GPAT3: variants seen among roughly 807,000 people sequenced by gnomAD.
The protein encoded by GPAT3 is 1-AGP acyltransferase 9.
Under a neutral mutation model 58.8 loss-of-function variants are expected in GPAT3, and 53 were observed. The observed-to-expected ratio is 0.90, with a 90% confidence interval of 0.72 to 1.13. GPAT3 has a LOEUF of 1.13. Ranked by LOEUF, GPAT3 falls within the 50% of genes most tolerant of loss-of-function variation. The probability of loss-of-function intolerance (pLI) is 0.00; values close to 1 mark genes in which losing one functional copy is unlikely to be tolerated. For missense variants in GPAT3, 511 were observed against 527.6 expected (o/e 0.97, Z 0.31); for synonymous variants, 197 against 187.4 (o/e 1.05, Z -0.42).
At chr4:83,544,895 A>G (rs1261634315) in intron 2 of GPAT3, among the ~76,000 whole-genome samples, 3 of 145,902 alleles carry the variant, frequency 2.1e-5, no homozygotes, top group Non-Finnish European at 3.0e-5. Flanking sequence ...TGGCCAAAAG[A>G]AAAAAAAAAA....
intron 2 of GPAT3, among the ~76,000 whole-genome samples, chr4:83,562,709 A>C (rs1027317643): frequency 6.6e-6 from 1 of 152,144 alleles, no homozygotes; most frequent in Non-Finnish European, 1.5e-5. Context: ...GAAAAAGGGC[A>C]GGAAGAGATG....
chr4:83,603,661 A>G (rs961086697), intron 11 of GPAT3, among the ~76,000 whole-genome samples: 8 of 151,980 alleles, frequency 5.3e-5, no homozygotes, highest in Non-Finnish European at 1.2e-4. Context: ...CTGTTGGTGC[A>G]TGCCTGTAAT....
intron 3 of GPAT3, among the ~76,000 whole-genome samples, chr4:83,584,226 A>T (rs1726280932): frequency 6.6e-6 from 1 of 152,196 alleles, no homozygotes; most frequent in African/African-American, 2.4e-5. Flanking sequence ...TTGCAAAGAA[A>T]CTATGATTTA....
chr4:83,587,362 G>A (rs1726415628), intron 4 of GPAT3, 33 bp downstream of exon 4: 1 of 1,559,620 alleles, frequency 6.4e-7, no homozygotes, highest in African/African-American at 1.4e-5. Flanking sequence ...GCCATATATA[G>A]GACTGTCTTT....
upstream of GPAT3, chr4:83,535,957 G>T: frequency 2.0e-6 from 2 of 985,570 alleles, no homozygotes; most frequent in Non-Finnish European, 2.4e-6. Context: ...TGAGTGCTGG[G>T]GGAGGCGGGG....
At chr4:83,596,620 C>T (rs1408859146) in intron 7 of GPAT3, among the ~76,000 whole-genome samples, 2 of 151,694 alleles carry the variant, frequency 1.3e-5, no homozygotes, top group African/African-American at 2.4e-5. Flanking sequence ...AGACCCCATC[C>T]CCCACCCACC....
chr4:83,535,945 G>T, upstream of GPAT3: 1 of 985,584 alleles, frequency 1.0e-6, no homozygotes, highest in Non-Finnish European at 1.2e-6. Flanking sequence ...AAGGACCTTT[G>T]CTGAGTGCTG....
intron 8 of GPAT3, among the ~76,000 whole-genome samples, chr4:83,597,143 A>C (rs762432782): frequency 1.5e-4 from 23 of 152,160 alleles, no homozygotes; most frequent in Non-Finnish European, 2.6e-4. Flanking sequence ...TGAGAGCAGA[A>C]TTGTCCGTGA....
At chr4:83,571,166 G>A (rs1347006640) in intron 2 of GPAT3, among the ~76,000 whole-genome samples, 1 of 152,128 alleles carries the variant, frequency 6.6e-6, no homozygotes, top group East Asian at 1.9e-4. Context: ...AATTGCTATG[G>A]AGTATTCCTT....
intron 10 of GPAT3, 53 bp downstream of exon 10, chr4:83,598,232 C>T (rs574610662): frequency 6.3e-7 from 1 of 1,577,030 alleles, no homozygotes; most frequent in South Asian, 1.2e-5. Context: ...GAGATCTTCA[C>T]CTGAAAATCT....
chr4:83,566,357 T>C (rs1725381905), intron 2 of GPAT3, among the ~76,000 whole-genome samples: 1 of 151,968 alleles, frequency 6.6e-6, no homozygotes, highest in Non-Finnish European at 1.5e-5. Flanking sequence ...TTTTAGTGTC[T>C]GGTAGAAATA....
At chr4:83,565,763 G>A (rs1173008000) in intron 2 of GPAT3, among the ~76,000 whole-genome samples, 32 of 152,220 alleles carry the variant, frequency 2.1e-4, no homozygotes, top group Non-Finnish European at 1.5e-5. Flanking sequence ...TTTAAAAGGC[G>A]GGTCCAGGGG....
chr4:83,544,889 CAAAAGAAAAAAA>C (rs1170064032), intron 2 of GPAT3, among the ~76,000 whole-genome samples: 2 of 146,304 alleles, frequency 1.4e-5, no homozygotes, highest in Non-Finnish European at 3.0e-5. Context: ...AGTCGATGGC[CAAAAGAAAAAAA>C]AAAAGAAAGA....
intron 2 of GPAT3, among the ~76,000 whole-genome samples, chr4:83,567,502 G>C (rs1418796420): frequency 6.6e-6 from 1 of 152,172 alleles, no homozygotes; most frequent in Non-Finnish European, 1.5e-5. Context: ...GTCATAATAT[G>C]ATGCTGGAAG....
chr4:83,582,201 G>T (rs1726167150), intron 3 of GPAT3, among the ~76,000 whole-genome samples: 1 of 152,220 alleles, frequency 6.6e-6, no homozygotes, highest in Non-Finnish European at 1.5e-5. Context: ...CAAACTGTAA[G>T]AGCTGACCAG....
chr4:83,589,266 C>T (rs1328699065), intron 5 of GPAT3, among the ~76,000 whole-genome samples: 2 of 152,184 alleles, frequency 1.3e-5, no homozygotes, highest in African/African-American at 2.4e-5. Context: ...GTATTTGGTT[C>T]TTTCTTCTCT....
intron 2 of GPAT3, among the ~76,000 whole-genome samples, chr4:83,575,422 A>T (rs1005315588): frequency 9.9e-5 from 15 of 150,902 alleles, no homozygotes; most frequent in African/African-American, 3.4e-4. Flanking sequence ...TTATTTATTT[A>T]TTTTTTTTGA....
chr4:83,581,095 C>CAAA (rs35894737), intron 2 of GPAT3, among the ~76,000 whole-genome samples: 16 of 70,248 alleles, frequency 2.3e-4, no homozygotes, highest in East Asian at 7.3e-4. Flanking sequence ...GACTCCGTCT[C>CAAA]AAAAAAAAAA....
intron 2 of GPAT3, among the ~76,000 whole-genome samples, chr4:83,568,662 C>G (rs1033997157): frequency 6.6e-6 from 1 of 152,088 alleles, no homozygotes; most frequent in African/African-American, 2.4e-5. Flanking sequence ...CACCCGCCAC[C>G]ACACCCGGCC....
Sources: allele counts gnomAD v4.1 joint callset (sites outside exome capture counted in the v4.1 genomes callset), GRCh38; gene constraint gnomAD v4.1.1; transcripts MANE v1.5; gene names NCBI Gene and HGNC (gene_info 2026-07-23, HGNC 2026-07-21).